METTL22: variants seen among roughly 807,000 people sequenced by gnomAD.
The protein encoded by METTL22 is methyltransferase-like protein 22.
METTL22 carries 51 observed loss-of-function variants against 48.4 expected under a neutral mutation model. The ratio of observed to expected loss-of-function variants is 1.05; its 90% CI spans 0.84 to 1.33. METTL22 has a LOEUF of 1.33. METTL22 is among the 40% of genes most tolerant of loss of function. METTL22 has a pLI of 0.00. For synonymous variants in METTL22, 255 were observed against 214.1 expected (o/e 1.19, Z -1.67); for missense variants, 678 against 526.9 (o/e 1.29, Z -2.81).
chr16:8,654,144 G>C (rs1378296290), downstream of METTL22, among the ~76,000 whole-genome samples: 3 of 152,222 alleles, frequency 2.0e-5, no homozygotes, highest in Non-Finnish European at 4.4e-5. Flanking sequence ...ACTCACGTGA[G>C]GCCCCACTTC....
intron 2 of METTL22, among the ~76,000 whole-genome samples, chr16:8,626,446 C>CTTTT (rs3057578): frequency 1.5e-5 from 2 of 129,502 alleles, no homozygotes; most frequent in Non-Finnish European, 3.2e-5. Flanking sequence ...GTCCTCTGCT[C>CTTTT]TTTTTTTTTT....
In METTL22 at chr16:8,625,800, T is replaced by A. The variant is rs2056028969; in HGVS notation, c.133+2T>A. 1.2e-6 allele frequency: 2 copies of A among 1,613,968 alleles called. No individual in the cohort carries two copies. ...GGCTGAACAGCGTGGGGCAGCCAGG[T>A]AAGGTCCTGGGCCCAGGTGCCCTGC... On this transcript the variant is annotated splice_donor_variant, in intron 2 of 10. Coordinates refer to ENST00000381920, the MANE Select transcript of METTL22 (RefSeq NM_024109.4). LOFTEE classifies it high-confidence loss of function.
At chr16:8,637,556 C>G (rs1180487320) in intron 5 of METTL22, among the ~76,000 whole-genome samples, 1 of 152,256 alleles carries the variant, frequency 6.6e-6, no homozygotes, top group Non-Finnish European at 1.5e-5. Flanking sequence ...GTTCCTATCT[C>G]TGTTGTCCAA....
chr16:8,642,612 G>T (rs138094737), intron 9 of METTL22, 47 bp downstream of exon 9: 17 of 1,535,926 alleles, frequency 1.1e-5, no homozygotes, highest in Non-Finnish European at 1.5e-5. Flanking sequence ...GAGTGTCAGC[G>T]GAACTCTCAC....
Position 8,625,656 on chromosome 16 carries a change from A to G in METTL22, c.-10A>G. 6.2e-7 allele frequency: 1 copy of G among 1,613,986 alleles called. No individual in the cohort carries two copies. The highest frequency in any genetic ancestry group is 8.5e-7 in the Non-Finnish European group (1 of 1,179,982). On this transcript the variant is annotated 5_prime_UTR_variant, in exon 2 of 11. Transcript: ENST00000381920. ...GACTCCTGTCCTAGGACTAAGGTGGAGCCTGGGCCATGGTACAGCTGGCTC... is the reference window on the plus strand; with the variant it reads ...GACTCCTGTCCTAGGACTAAGGTGGGGCCTGGGCCATGGTACAGCTGGCTC...
At chr16:8,654,611 G>C (rs544731611), downstream of METTL22, among the ~76,000 whole-genome samples, 11 of 152,228 alleles carry the variant, frequency 7.2e-5, no homozygotes, top group Non-Finnish European at 1.6e-4. Flanking sequence ...TTTGAAAACA[G>C]ATAGATCAAG....
the METTL22 span, among the ~76,000 whole-genome samples, chr16:8,659,539 C>A: frequency 2.2e-4 from 34 of 152,076 alleles, no homozygotes; most frequent in East Asian, 6.6e-3. Context: ...TCTGACCTCA[C>A]GAAGCCTACA....
chr16:8,625,878 T>C, intron 2 of METTL22, 80 bp downstream of exon 2: 2 of 1,546,938 alleles, frequency 1.3e-6, no homozygotes, highest in Non-Finnish European at 1.8e-6. Context: ...GGGAAAATAT[T>C]GGGAAGACTG....
chr16:8,643,873 C>T (rs567927649), intron 9 of METTL22, among the ~76,000 whole-genome samples: 1 of 152,182 alleles, frequency 6.6e-6, no homozygotes, highest in African/African-American at 2.4e-5. Context: ...CTCGGCCTCC[C>T]ACAGTACTGA....
chr16:8,640,882 G>GTGGGTGGGTGGT (rs376761073), intron 6 of METTL22, among the ~76,000 whole-genome samples: 15,848 of 19,298 alleles, frequency 0.82, 6,885 homozygotes, highest in Middle Eastern at 0.93. Flanking sequence ...GGGCAGGTGG[G>GTGGGTGGGTGGT]TGGGTGGGTG....
chr16:8,629,030 A>T lies in METTL22; in HGVS notation c.434A>T (p.His145Leu). 1 of 1,614,096 alleles carries T rather than the reference A, an allele frequency of 6.2e-7. No individual in the cohort carries two copies. Among genetic ancestry groups the T allele is most frequent in the Non-Finnish European group, 8.5e-7 (1 of 1,180,032 alleles). ...NPAGPLRDKV[H>L]PMILAQEEDD... ...GCAGGGCCTCTGAGAGACAAGGTACATCCCATGATTCTAGCACAGGAAGAA... is the reference window on the plus strand; with the variant it reads ...GCAGGGCCTCTGAGAGACAAGGTACTTCCCATGATTCTAGCACAGGAAGAA... The change falls in exon 3 of 11, where the codon CAT becomes CTT. Residue 145 changes from histidine to leucine, a missense_variant. Coordinates refer to ENST00000381920, the MANE Select transcript of METTL22 (RefSeq NM_024109.4).
At chr16:8,661,099 C>A in the METTL22 span, among the ~76,000 whole-genome samples, 1 of 152,130 alleles carries the variant, frequency 6.6e-6, no homozygotes, top group African/African-American at 2.4e-5. Flanking sequence ...AGGCACCTTG[C>A]GTCCCTGCTG....
chr16:8,637,019 C>T (rs188334514), intron 5 of METTL22, among the ~76,000 whole-genome samples: 7 of 152,328 alleles, frequency 4.6e-5, no homozygotes, highest in East Asian at 1.9e-4. Context: ...AAACTCCTAA[C>T]GTGCCAGAGT....
At chr16:8,667,269 T>A in the METTL22 span, 3 of 152,110 alleles carry the variant, frequency 2.0e-5, no homozygotes, top group Non-Finnish European at 4.4e-5. Flanking sequence ...ATTTATTTAT[T>A]TTAAATTTTT....
chr16:8,642,039 C>G (rs1180260776), intron 7 of METTL22, 88 bp from the exon 8 acceptor site: 2 of 1,033,070 alleles, frequency 1.9e-6, no homozygotes, highest in Non-Finnish European at 3.1e-6. Flanking sequence ...TGTTTCTTCT[C>G]TTGAAGTGCC....
At chr16:8,622,054 A>G (rs201111255) in intron 1 of METTL22, among the ~76,000 whole-genome samples, 2 of 152,204 alleles carry the variant, frequency 1.3e-5, no homozygotes, top group East Asian at 3.9e-4. Flanking sequence ...AGAGGGCAAT[A>G]GTTAACCCAC....
At chr16:8,641,872 G>C in intron 7 of METTL22, 1 of 577,574 alleles carries the variant, frequency 1.7e-6, no homozygotes, top group African/African-American at 1.9e-5. Context: ...AAGGCAGCGG[G>C]TGAGGCTGAA....
intron 9 of METTL22, among the ~76,000 whole-genome samples, chr16:8,643,559 A>G (rs555566748): frequency 6.6e-6 from 1 of 152,304 alleles, no homozygotes; most frequent in African/African-American, 2.4e-5. Context: ...AAGGTGGCAG[A>G]GTGGCTGGAA....
chr16:8,631,252 T>A (rs1468086169), intron 3 of METTL22: 1 of 152,220 alleles, frequency 6.6e-6, no homozygotes, highest in Non-Finnish European at 1.5e-5. Context: ...TCCAAGGGAT[T>A]GACAAAACCT....
Sources: gnomAD v4.1 joint callset for allele counts (sites outside exome capture counted in the v4.1 genomes callset) on GRCh38, gnomAD v4.1.1 for gene constraint, MANE v1.5 for transcripts, NCBI Gene and HGNC (gene_info 2026-07-23, HGNC 2026-07-21) for gene names.